EPS15L1: variants seen among roughly 807,000 people sequenced by gnomAD.
EPS15L1 encodes epidermal growth factor receptor substrate 15-like 1.
Under a neutral mutation model 117.1 loss-of-function variants are expected in EPS15L1, and 43 were observed. The ratio of observed to expected loss-of-function variants is 0.37; its 90% CI spans 0.29 to 0.47. The LOEUF is 0.47. Ranked by LOEUF, EPS15L1 falls within the 20% of genes least tolerant of loss-of-function variation. The pLI is 0.99. For synonymous variants in EPS15L1, 459 were observed against 470.5 expected, an observed-to-expected ratio of 0.98 and a Z score of 0.32; for missense variants, 981 against 1,164.0, an observed-to-expected ratio of 0.84 and a Z score of 2.29.
intron 7 of EPS15L1, among the ~76,000 whole-genome samples, chr19:16,430,117 T>C (rs1017171484): frequency 6.6e-6 from 1 of 152,220 alleles, no homozygotes; most frequent in Non-Finnish European, 1.5e-5. Flanking sequence ...GTTGCCCACA[T>C]GCCCAGACTT....
chr19:16,368,016 G>T (rs1442241597), intron 22 of EPS15L1, among the ~76,000 whole-genome samples: 2 of 151,660 alleles, frequency 1.3e-5, no homozygotes, highest in Non-Finnish European at 2.9e-5. Flanking sequence ...TTTGATCCTG[G>T]CTAGGTTCTG....
At chr19:16,390,391 T>C (rs1029129057) in intron 19 of EPS15L1, among the ~76,000 whole-genome samples, 3 of 152,220 alleles carry the variant, frequency 2.0e-5, no homozygotes, top group African/African-American at 7.2e-5. Context: ...AAGTGCAGTA[T>C]GAACAATTCC....
intron 13 of EPS15L1, chr19:16,413,336 C>G: frequency 1.5e-6 from 1 of 689,204 alleles, no homozygotes; most frequent in East Asian, 2.6e-5. Flanking sequence ...AGAAGCTGCT[C>G]ATGATGGCTA....
intron 10 of EPS15L1, among the ~76,000 whole-genome samples, chr19:16,419,975 C>A (rs959851923): frequency 6.6e-6 from 1 of 152,222 alleles, no homozygotes; most frequent in Non-Finnish European, 1.5e-5. Flanking sequence ...GCTCAGTCAG[C>A]GGCCATCCGG....
intron 22 of EPS15L1, among the ~76,000 whole-genome samples, chr19:16,367,753 C>CAAAAAAA (rs60689307): frequency 3.9e-5 from 2 of 50,718 alleles, no homozygotes; most frequent in African/African-American, 7.3e-5. Context: ...GGGTGCAAAG[C>CAAAAAAA]AAAAAAAAAA....
intron 16 of EPS15L1, chr19:16,401,009 A>G: frequency 1.0e-6 from 1 of 985,456 alleles, no homozygotes; most frequent in Non-Finnish European, 1.2e-6. Context: ...GTGAGACGGA[A>G]ACACACACGC....
chr19:16,403,990 C>T lies in EPS15L1; in HGVS notation c.1429-60G>A, dbSNP rs184113970. On this transcript the variant is annotated intron_variant, in intron 14 of 23. Coordinates refer to ENST00000455140, the MANE Select transcript of EPS15L1 (RefSeq NM_001258374.3). Reference sequence around the variant, plus strand: ...CACAGTGCAGGATGAAATGGGACTCCGAGAAAGAACTCTTAGCCCCCATCC... The same window carrying T: ...CACAGTGCAGGATGAAATGGGACTCTGAGAAAGAACTCTTAGCCCCCATCC... 6.3e-5 allele frequency: 92 copies of T among 1,456,912 alleles called. No homozygotes were observed. The African/African-American group carries it at 9.5e-4, about 15-fold the overall frequency. The allele number at this position is 1,456,912 out of a possible 1,614,324, so 90.2% of individuals were successfully genotyped here. A position where few individuals can be genotyped will look rare whatever the true frequency, so the allele number is the denominator to read the frequency against.
intron 9 of EPS15L1, among the ~76,000 whole-genome samples, chr19:16,423,721 A>G (rs2092840050): frequency 6.6e-6 from 1 of 152,210 alleles, no homozygotes; most frequent in Admixed American, 6.5e-5. Context: ...CAATAAAGGA[A>G]TTCTAATGAG....
chr19:16,445,621 G>A (rs1191316032), intron 1 of EPS15L1, among the ~76,000 whole-genome samples: 1 of 152,186 alleles, frequency 6.6e-6, no homozygotes, highest in African/African-American at 2.4e-5. Context: ...CCCAGCCCCA[G>A]GCAGTCTGTC....
In EPS15L1 at chr19:16,471,857, CCG is replaced by C; in HGVS notation, c.33+54_33+55del. On this transcript the variant is annotated intron_variant, in intron 1 of 23. Coordinates refer to ENST00000455140, the MANE Select transcript of EPS15L1 (RefSeq NM_001258374.3). This position sits in a 1 kb window ranked among gnomAD's most constrained non-coding sequence, Gnocchi z 4.8. ...CTCCCAGCGCCTCAGCCTCGCCGCA[CCG>C]CTCGCCTCGCGCCCCGCACCCCGGC... The C allele has an allele frequency of 8.9e-7, 1 of 1,129,384 alleles. No homozygotes were observed. Among genetic ancestry groups the C allele is most frequent in the Non-Finnish European group, 1.1e-6 (1 of 869,688 alleles). The allele number at this position is 1,129,384 out of a possible 1,614,324, so 70.0% of individuals were successfully genotyped here. A position where few individuals can be genotyped will look rare whatever the true frequency, so the allele number is the denominator to read the frequency against.
chr19:16,435,147 TC>T (rs1387392617), intron 6 of EPS15L1: 2 of 152,182 alleles, frequency 1.3e-5, no homozygotes, highest in Admixed American at 6.5e-5. Context: ...AGATGGTGTT[TC>T]AACATGATGG....
chr19:16,434,527 C>A (rs1599644053), intron 6 of EPS15L1, 37 bp from the exon 7 acceptor site: 1 of 1,600,818 alleles, frequency 6.2e-7, no homozygotes, highest in East Asian at 2.2e-5. Flanking sequence ...AGTAGGAGAG[C>A]ACACCTGTGT....
chr19:16,377,636 C>T (rs1568399891), intron 21 of EPS15L1, among the ~76,000 whole-genome samples: 2 of 152,250 alleles, frequency 1.3e-5, no homozygotes, highest in African/African-American at 4.8e-5. Flanking sequence ...CCCACCCTCA[C>T]CTGTATGCTG....
chr19:16,460,226 G>A (rs2093235570), intron 1 of EPS15L1, among the ~76,000 whole-genome samples: 2 of 152,186 alleles, frequency 1.3e-5, no homozygotes, highest in South Asian at 2.1e-4. Flanking sequence ...TGAGGCTGCA[G>A]TGAGCCGTGA....
At chr19:16,401,803 G>A in intron 16 of EPS15L1, 2 of 986,012 alleles carry the variant, frequency 2.0e-6, no homozygotes, top group Non-Finnish European at 2.4e-6. Flanking sequence ...TTCAGGAGAG[G>A]CCAATTCTTA....
chr19:16,462,987 T>C (rs1290710956), intron 1 of EPS15L1, among the ~76,000 whole-genome samples: 1 of 152,156 alleles, frequency 6.6e-6, no homozygotes, highest in African/African-American at 2.4e-5. Flanking sequence ...TCACACTATG[T>C]CCTAATTTTC....
chr19:16,465,921 C>A (rs1423689477), intron 1 of EPS15L1, among the ~76,000 whole-genome samples: 1 of 151,876 alleles, frequency 6.6e-6, no homozygotes, highest in African/African-American at 2.4e-5. Flanking sequence ...AAAGCCATGT[C>A]TGCCTGAGCT....
At chr19:16,444,359 C>T (rs1299972789) in intron 1 of EPS15L1, among the ~76,000 whole-genome samples, 1 of 152,152 alleles carries the variant, frequency 6.6e-6, no homozygotes. Context: ...CTGCCCCCCT[C>T]GTGCTTGGAG....
At chr19:16,397,588 T>C (rs145546214) in intron 16 of EPS15L1, among the ~76,000 whole-genome samples, 53 of 151,958 alleles carry the variant, frequency 3.5e-4, no homozygotes, top group African/African-American at 1.2e-3. Flanking sequence ...TTTGGGAAAA[T>C]GGAGTTTTCA....
Sources: allele counts gnomAD v4.1 joint callset (sites outside exome capture counted in the v4.1 genomes callset), GRCh38; gene constraint gnomAD v4.1.1; non-coding constraint Gnocchi (gnomAD v3.1); transcripts MANE v1.5; gene names NCBI Gene and HGNC (gene_info 2026-07-23, HGNC 2026-07-21).